Variants in PGM3 observed in about 807,000 individuals in gnomAD.
The protein encoded by PGM3 is phosphoacetylglucosamine mutase.
PGM3 carries 40 observed loss-of-function variants against 66.2 expected under a neutral mutation model. The observed-to-expected ratio is 0.60, with a 90% CI of 0.47 to 0.79. PGM3 has a LOEUF of 0.79. Ranked by LOEUF, PGM3 falls within the 30% of genes least tolerant of loss-of-function variation. The probability of loss-of-function intolerance (pLI) is 0.00; values close to 1 mark genes in which losing one functional copy is unlikely to be tolerated. For missense variants in PGM3, 537 were observed against 643.4 expected, an observed-to-expected ratio of 0.83 and a Z score of 1.79; for synonymous variants, 191 against 224.2, an observed-to-expected ratio of 0.85 and a Z score of 1.32.
chr6:83,173,363 G>C (rs1297724842), intron 10 of PGM3, among the ~76,000 whole-genome samples: 1 of 152,164 alleles, frequency 6.6e-6, no homozygotes, highest in East Asian at 1.9e-4. Context: ...AATGAAATTA[G>C]ACTGGATAAC....
At chr6:83,191,309 T>G in intron 1 of PGM3, 1 of 1,305,394 alleles carries the variant, frequency 7.7e-7, no homozygotes. Context: ...CACACTTAAA[T>G]TGGTCCACTC....
At chr6:83,191,380 AT>A in intron 1 of PGM3, 2 of 690,578 alleles carry the variant, frequency 2.9e-6, no homozygotes, top group Admixed American at 5.5e-5. Context: ...AGATCATTTC[AT>A]TTTACAAAAA....
intron 11 of PGM3, 151 bp downstream of exon 11, chr6:83,171,786 G>A (rs940749549): frequency 5.1e-5 from 30 of 590,896 alleles, no homozygotes; most frequent in East Asian, 2.1e-4. Flanking sequence ...GAGCTACTGC[G>A]CTTGGCCCAT....
At chr6:83,160,045 T>G, downstream of PGM3, 1 of 1,342,416 alleles carries the variant, frequency 7.4e-7, no homozygotes, top group Non-Finnish European at 1.0e-6. Flanking sequence ...TTAAAAAGTT[T>G]TTTGTGTAAG....
rs560257207 is a variant in PGM3, at chr6:83,179,261, G to C, written c.946-505C>G. On this transcript the variant is annotated intron_variant, in intron 7 of 12. Coordinates refer to ENST00000513973, the MANE Select transcript of PGM3 (RefSeq NM_015599.3). ...AGGGAGGCAGAGGTTGCAATGAGCC[G>C]AGATCACGCCCCTGCACTCCAGCCT... Among the ~76,000 whole-genome samples, 3 of 147,576 alleles carry C rather than the reference G, an allele frequency of 2.0e-5. No individual in the cohort carries two copies. In the South Asian group the frequency reaches 6.4e-4, roughly 32 times the overall value.
At chr6:83,169,887 T>C in intron 12 of PGM3, 1 of 426,122 alleles carries the variant, frequency 2.3e-6, no homozygotes, top group South Asian at 1.7e-5. Context: ...TTAAAGGAAA[T>C]ATTTTGAAAA....
chr6:83,151,380 C>G, the PGM3 span, among the ~76,000 whole-genome samples: 222 of 152,210 alleles, frequency 1.5e-3, 1 homozygote, highest in Middle Eastern at 0.01. Flanking sequence ...CACTTTGGGG[C>G]TCTTACAAAA....
At position 83,165,825 on chromosome 6, in the gene PGM3, A is replaced by G. The variant is rs934707513; in HGVS notation, c.*3409T>C. The G allele has an allele frequency of 2.5e-5, 8 of 318,288 alleles. No homozygotes were observed. The highest frequency in any genetic ancestry group is 8.7e-5 in the East Asian group (1 of 11,438). The allele number at this position is 318,288 out of a possible 1,614,324, so 19.7% of individuals were successfully genotyped here. ...AGAATTGGGCCCTTTCTGGTGGCCA[A>G]TGCCGGCTGCAGGCATTGCAGTTTT... On this transcript the variant is annotated 3_prime_UTR_variant, in exon 13 of 13. Coordinates refer to ENST00000513973, the MANE Select transcript of PGM3 (RefSeq NM_015599.3).
rs753669048 is a variant in PGM3 at position 83,169,196 on chromosome 6, G to C, written c.*38C>G. 27 of 1,611,574 alleles carry C rather than the reference G, an allele frequency of 1.7e-5. No homozygotes were observed. The highest frequency in any genetic ancestry group is 2.0e-5 in the Non-Finnish European group (24 of 1,178,788). ...ATTATTGACAGTTTTGTAAAGACTT[G>C]TAAAAAGTCCAGTTTCTCAGGAATA... On this transcript the variant is annotated 3_prime_UTR_variant, in exon 13 of 13. Coordinates refer to ENST00000513973, the MANE Select transcript of PGM3 (RefSeq NM_015599.3).
In PGM3 at chr6:83,166,944, T is replaced by G. The variant is rs1450026015; in HGVS notation, c.*2290A>C. The G allele has an allele frequency of 1.1e-5, 11 of 986,702 alleles. No homozygotes were observed. Among genetic ancestry groups the G allele is most frequent in the African/African-American group, 1.7e-5 (1 of 57,262 alleles). 61.1% of individuals were successfully genotyped at this position (986,702 alleles called of 1,614,324 possible). A position where few individuals can be genotyped will look rare whatever the true frequency, so the allele number is the denominator to read the frequency against. ...CTAGTTCATTGCTTATTTTCATTCT[T>G]TAGTGTGGAATTGTATCTGTGATTC... is the stretch of plus-strand genomic sequence containing the variant. On this transcript the variant is annotated 3_prime_UTR_variant, in exon 13 of 13. Transcript: ENST00000513973.
At chr6:83,154,204 G>C in the PGM3 span, 1 of 1,613,978 alleles carries the variant, frequency 6.2e-7, no homozygotes, top group Non-Finnish European at 8.5e-7. Context: ...TGGACAATCT[G>C]ATGACACATG....
At chr6:83,193,409 G>A (rs917251591), upstream of PGM3, 2 of 152,290 alleles carry the variant, frequency 1.3e-5, no homozygotes, top group African/African-American at 2.4e-5. Flanking sequence ...TTCCGAGCGG[G>A]GTCTGGGGCT....
the PGM3 span, chr6:83,154,315 T>C: frequency 7.2e-7 from 1 of 1,384,084 alleles, no homozygotes; most frequent in East Asian, 2.3e-5. Flanking sequence ...TGTACTCTTT[T>C]CTGGAGACTA....
In PGM3 at chr6:83,168,432, T is replaced by C; in HGVS notation, c.*802A>G. The C allele has an allele frequency of 1.8e-6, 2 of 1,131,770 alleles. No individual in the cohort carries two copies. The highest frequency in any genetic ancestry group is 2.2e-6 in the Non-Finnish European group (2 of 924,120). 70.1% of individuals were successfully genotyped at this position (1,131,770 alleles called of 1,614,324 possible). ...CCATTGTTTTTATTGTCCTGAGTTGTCTTAAACCTGCAAAATATACACTAC... is the reference window on the plus strand; with the variant it reads ...CCATTGTTTTTATTGTCCTGAGTTGCCTTAAACCTGCAAAATATACACTAC... On this transcript the variant is annotated 3_prime_UTR_variant, in exon 13 of 13. Transcript: ENST00000513973.
the PGM3 span, chr6:83,154,253 G>C: frequency 6.2e-7 from 1 of 1,610,426 alleles, no homozygotes; most frequent in Non-Finnish European, 8.5e-7. Flanking sequence ...TGAGTATTAC[G>C]GGATGACAAT....
chr6:83,149,318 A>G, the PGM3 span, among the ~76,000 whole-genome samples: 9 of 152,308 alleles, frequency 5.9e-5, no homozygotes, highest in East Asian at 1.7e-3. Flanking sequence ...TTAGTCACCT[A>G]TGACTGCAAG....
At chr6:83,184,727 C>T (rs1433348371) in intron 4 of PGM3, among the ~76,000 whole-genome samples, 1 of 152,188 alleles carries the variant, frequency 6.6e-6, no homozygotes, top group Non-Finnish European at 1.5e-5. Context: ...GTCTGTTTCC[C>T]TTTCTTAACA....
chr6:83,167,489 A>C lies in PGM3; in HGVS notation c.*1745T>G. ...CACTTTGTTCCTTTTTTCTGTAGTAATTTTGTGACCTAGTCCTTGGTTACA... is the reference window on the plus strand; with the variant it reads ...CACTTTGTTCCTTTTTTCTGTAGTACTTTTGTGACCTAGTCCTTGGTTACA... On this transcript the variant is annotated 3_prime_UTR_variant, in exon 13 of 13. Coordinates refer to ENST00000513973, the MANE Select transcript of PGM3 (RefSeq NM_015599.3). The C allele has an allele frequency of 1.0e-6, 1 of 999,872 alleles. No individual in the cohort carries two copies. The highest frequency in any genetic ancestry group is 5.0e-4 in the Middle Eastern group (1 of 1,992). The allele number at this position is 999,872 out of a possible 1,614,324, so 61.9% of individuals were successfully genotyped here. A position where few individuals can be genotyped will look rare whatever the true frequency, so the allele number is the denominator to read the frequency against.
At chr6:83,151,526 A>T in the PGM3 span, 1 of 1,310,558 alleles carries the variant, frequency 7.6e-7, no homozygotes, top group Non-Finnish European at 1.1e-6. Context: ...CATCGTGAGA[A>T]ATTAGATCGC....
Sources: allele counts gnomAD v4.1 joint callset (sites outside exome capture counted in the v4.1 genomes callset), GRCh38; gene constraint gnomAD v4.1.1; transcripts MANE v1.5; gene names NCBI Gene and HGNC (gene_info 2026-07-23, HGNC 2026-07-21).